IMMP2L: variants seen among roughly 807,000 people sequenced by gnomAD.
IMMP2L encodes the protein mitochondrial inner membrane protease subunit 2.
IMMP2L carries 18 observed loss-of-function variants against 19.3 expected under a neutral mutation model. The observed-to-expected ratio is 0.93, with a 90% CI of 0.64 to 1.38. The LOEUF is 1.38. Among genes scored for constraint, IMMP2L ranks in the 40% most tolerant of loss-of-function variants. The pLI, the probability that IMMP2L is intolerant of heterozygous loss-of-function variation, is 0.00. For missense variants in IMMP2L, 233 were observed against 218.2 expected (o/e 1.07, Z -0.43); for synonymous variants, 76 against 73.0 (o/e 1.04, Z -0.21).
At chr7:110,840,217 G>A (rs1304362196) in intron 5 of IMMP2L, among the ~76,000 whole-genome samples, 1 of 152,100 alleles carries the variant, frequency 6.6e-6, no homozygotes, top group Non-Finnish European at 1.5e-5. Context: ...AGACATAGGA[G>A]CGGTAATAGC....
At chr7:111,553,463 A>G (rs1436820568) in intron 1 of IMMP2L, among the ~76,000 whole-genome samples, 1 of 152,180 alleles carries the variant, frequency 6.6e-6, no homozygotes, top group Non-Finnish European at 1.5e-5. Flanking sequence ...GTGGTGCTCC[A>G]TTGTGCTCTG....
chr7:110,769,432 G>C (rs756787486), intron 5 of IMMP2L, among the ~76,000 whole-genome samples: 7 of 152,122 alleles, frequency 4.6e-5, no homozygotes, highest in Non-Finnish European at 1.0e-4. Flanking sequence ...GGGATTGATT[G>C]TCCAGTTAAT....
chr7:110,726,344 G>C (rs1795882312), intron 5 of IMMP2L, among the ~76,000 whole-genome samples: 1 of 152,124 alleles, frequency 6.6e-6, no homozygotes, highest in Non-Finnish European at 1.5e-5. Flanking sequence ...AGGAGAGAAA[G>C]AGAAGAAAAT....
chr7:111,446,882 A>G (rs1490948952), intron 3 of IMMP2L, among the ~76,000 whole-genome samples: 1 of 150,862 alleles, frequency 6.6e-6, no homozygotes, highest in African/African-American at 2.4e-5. Context: ...GGAGCTGAAA[A>G]CCAAGGCTCG....
Position 111,323,554 on chromosome 7 carries a change from T to C in IMMP2L, c.239+163684A>G, listed in dbSNP as rs575884279. ...TTACACTGTTGGTAGGACTGTAAAC[T>C]AGTTCAACCATTGTGGAAGTCAGTG... On this transcript the variant is annotated intron_variant, in intron 3 of 5. Transcript: ENST00000405709. 1.9e-3 allele frequency among the ~76,000 whole-genome samples: 285 copies of C among 152,232 alleles called. 1 individual carries two copies. Among genetic ancestry groups the C allele is most frequent in the African/African-American group, 6.6e-3 (275 of 41,566 alleles).
At chr7:111,315,230 G>A (rs537944180) in intron 3 of IMMP2L, among the ~76,000 whole-genome samples, 7 of 152,046 alleles carry the variant, frequency 4.6e-5, no homozygotes, top group Admixed American at 1.3e-4. Flanking sequence ...TTCTTTTATT[G>A]ATATGAAAAA....
chr7:110,961,447 C>A (rs1276907904), intron 4 of IMMP2L, among the ~76,000 whole-genome samples: 1 of 129,416 alleles, frequency 7.7e-6, no homozygotes, highest in African/African-American at 2.9e-5. Context: ...TTTTTTTTTT[C>A]AGTACAGACA....
At chr7:111,257,614 C>G (rs1030062771) in intron 3 of IMMP2L, among the ~76,000 whole-genome samples, 8 of 152,048 alleles carry the variant, frequency 5.3e-5, no homozygotes, top group Admixed American at 2.0e-4. Context: ...TTATACAAGG[C>G]AAATTCTTCC....
intron 4 of IMMP2L, among the ~76,000 whole-genome samples, chr7:110,921,098 T>G (rs1814225047): frequency 1.3e-5 from 2 of 152,234 alleles, no homozygotes; most frequent in African/African-American, 4.8e-5. Context: ...TGTTGAATAA[T>G]ATTTATTTTT....
At chr7:111,075,391 G>T (rs755432369) in intron 3 of IMMP2L, among the ~76,000 whole-genome samples, 1 of 152,078 alleles carries the variant, frequency 6.6e-6, no homozygotes, top group Non-Finnish European at 1.5e-5. Flanking sequence ...GCCTCCCAAA[G>T]TACTGGGATT....
At chr7:110,852,748 T>G (rs778905580) in intron 5 of IMMP2L, among the ~76,000 whole-genome samples, 1 of 152,040 alleles carries the variant, frequency 6.6e-6, no homozygotes, top group Admixed American at 6.6e-5. Context: ...GAAATATTCA[T>G]GGAGAATTGT....
intron 3 of IMMP2L, among the ~76,000 whole-genome samples, chr7:110,994,785 C>T (rs1329150440): frequency 6.6e-6 from 1 of 152,168 alleles, no homozygotes; most frequent in Non-Finnish European, 1.5e-5. Flanking sequence ...TTCAGCACCT[C>T]TCTTACTGGC....
At chr7:110,789,185 T>C (rs1394943606) in intron 5 of IMMP2L, among the ~76,000 whole-genome samples, 1 of 151,816 alleles carries the variant, frequency 6.6e-6, no homozygotes, top group African/African-American at 2.4e-5. Context: ...GCTTTGGGTC[T>C]TCCCAACCAA....
intron 3 of IMMP2L, among the ~76,000 whole-genome samples, chr7:111,155,660 T>C (rs988313211): frequency 2.7e-5 from 4 of 146,948 alleles, no homozygotes; most frequent in Admixed American, 2.1e-4. Context: ...TCATGGAAAT[T>C]TATATGCAAT....
intron 5 of IMMP2L, among the ~76,000 whole-genome samples, chr7:110,787,466 G>C (rs1329361256): frequency 6.6e-6 from 1 of 151,826 alleles, no homozygotes; most frequent in Non-Finnish European, 1.5e-5. Context: ...GTCAAATAAG[G>C]ATCCACTTCA....
chr7:110,963,936 C>G (rs1819246393), intron 3 of IMMP2L, among the ~76,000 whole-genome samples: 1 of 150,168 alleles, frequency 6.7e-6, no homozygotes, highest in Non-Finnish European at 1.5e-5. Flanking sequence ...TTGTAATCCC[C>G]ATGTGTAGAG....
At chr7:110,985,270 T>C (rs1324994421) in intron 3 of IMMP2L, among the ~76,000 whole-genome samples, 2 of 152,128 alleles carry the variant, frequency 1.3e-5, no homozygotes, top group Non-Finnish European at 2.9e-5. Flanking sequence ...ACTAAGTCTG[T>C]AGTAATTTAT....
chr7:111,065,294 TG>T (rs1794388485), intron 3 of IMMP2L, among the ~76,000 whole-genome samples: 2 of 152,360 alleles, frequency 1.3e-5, no homozygotes, highest in East Asian at 3.9e-4. Context: ...GCATTTGGTT[TG>T]GGGATTGGTG....
chr7:110,705,718 T>C (rs999450326), intron 5 of IMMP2L, among the ~76,000 whole-genome samples: 1 of 151,906 alleles, frequency 6.6e-6, no homozygotes, highest in Non-Finnish European at 1.5e-5. Flanking sequence ...CAAAAGTTAG[T>C]TTTTCAACCC....
Sources: gnomAD v4.1 joint callset for allele counts (sites outside exome capture counted in the v4.1 genomes callset) on GRCh38, gnomAD v4.1.1 for gene constraint, MANE v1.5 for transcripts, NCBI Gene and HGNC (gene_info 2026-07-23, HGNC 2026-07-21) for gene names.